Variants in IPO4 observed in about 807,000 individuals in gnomAD.
IPO4 encodes importin 4, also known as importin-4.
In IPO4, 91 loss-of-function variants were observed where a neutral mutation model predicts 133.5. That is an observed-to-expected ratio of 0.68 (90% CI 0.58 to 0.81). IPO4 has a LOEUF of 0.81. Ranked by LOEUF, IPO4 falls within the 30% of genes least tolerant of loss-of-function variation. IPO4 has a pLI of 0.00. For missense variants in IPO4, 1,279 were observed against 1,386.2 expected (o/e 0.92, Z 1.23); for synonymous variants, 607 against 581.6 (o/e 1.04, Z -0.63).
At position 24,184,909 on chromosome 14, in the gene IPO4, G is replaced by A. The variant is rs145779241; in HGVS notation, c.1480C>T (p.Pro494Ser). The change falls in exon 15 of 30, where the codon CCC becomes TCC. Residue 494 changes from proline (P) to serine (S), a missense_variant. Around this residue, in one of 3 missense-constraint regions of IPO4, gnomAD observed 695 missense variants for 704.1 expected, o/e 0.99. Coordinates refer to ENST00000354464, the MANE Select transcript of IPO4 (RefSeq NM_024658.4). ...MLQLLRNPSS[P>S]RAKELAVSAL... ...CTCACAGCCAGCTCCTTGGCCCGGG[G>A]ACTGCTGGGGTTCCTCAGAAGCTGC... 3.1e-6 allele frequency: 5 copies of A among 1,614,098 alleles called. No homozygotes were observed. Among genetic ancestry groups the A allele is most frequent in the Non-Finnish European group, 3.4e-6 (4 of 1,180,024 alleles).
rs199499439 is a variant in IPO4 at position 24,185,941 on chromosome 14, G to A, written c.1089C>T (p.Ser363=). The A allele has an allele frequency of 3.0e-5, 49 of 1,614,056 alleles. 1 individual carries two copies. Among genetic ancestry groups the A allele is most frequent in the Admixed American group, 2.2e-4 (13 of 60,018 alleles). Residue 363 remains serine, a synonymous_variant, in exon 12 of 30, where the codon AGC becomes AGT. Transcript: ENST00000354464. ...CAGCTTTGCGCTGGTATGGGCTCTC[G>A]CTCCGCAAAGCCTCTTCCAACATGG... The part of the protein sequence containing the change: ...LMPMLEEALR[S]ESPYQRKAGL...
chr14:24,181,526 C>T lies in IPO4; in HGVS notation c.3032G>A (p.Ser1011Asn), dbSNP rs1291255807. The change falls in exon 28 of 30, where the codon AGC becomes AAC. Residue 1011 changes from serine to asparagine, a missense_variant. By Grantham distance (46) the Ser-to-Asn change is conservative. Coordinates refer to ENST00000354464, the MANE Select transcript of IPO4 (RefSeq NM_024658.4). ...CAGCAAGGTTACCTGGTCAGGGCTG[C>T]TCTGGTACAGGAAGCTGAAGAGGCG... Reference protein sequence around the residue: ...IGRLFSFLYQSSPDQVIDVAP... With the variant: ...IGRLFSFLYQNSPDQVIDVAP... 2 of 1,566,974 alleles carry T rather than the reference C, an allele frequency of 1.3e-6. No individual in the cohort carries two copies. The highest frequency in any genetic ancestry group is 2.4e-5 in the East Asian group (1 of 42,150).
rs760863352 is a variant in IPO4 at position 24,188,543 on chromosome 14, G to A, written c.156+9C>T. On this transcript the variant is annotated intron_variant, in intron 2 of 29. Transcript: ENST00000354464. ...TGGGAAGCTCGGAGGGGAGAGTCAGGGGTCTCACCTGGGGGTCGGCCGCCG... is the reference window on the plus strand; with the variant it reads ...TGGGAAGCTCGGAGGGGAGAGTCAGAGGTCTCACCTGGGGGTCGGCCGCCG... 35 of 1,611,454 alleles carry A rather than the reference G, an allele frequency of 2.2e-5. No homozygotes were observed. In the African/African-American group the frequency reaches 3.6e-4, roughly 17 times the overall value.
At chr14:24,187,898 G>A in intron 4 of IPO4, 102 bp from the exon 5 acceptor site, 19 of 1,454,334 alleles carry the variant, frequency 1.3e-5, no homozygotes, top group Non-Finnish European at 1.8e-5. Flanking sequence ...TTCAGGAGGT[G>A]TGGGCACAGG....
chr14:24,187,382 C>T lies in IPO4; in HGVS notation c.588+18G>A, dbSNP rs755853834. 56 of 1,611,594 alleles carry T rather than the reference C, an allele frequency of 3.5e-5. No individual in the cohort carries two copies. In the East Asian group the frequency reaches 7.1e-4, roughly 21 times the overall value. On this transcript the variant is annotated intron_variant, in intron 6 of 29. Coordinates refer to ENST00000354464, the MANE Select transcript of IPO4 (RefSeq NM_024658.4). ...CATGAGGAAAGGGAGTCAAAGATAA[C>T]GAGGGCCCACATCTCACCACATCTT...
chr14:24,186,054 TC>T, intron 11 of IPO4, 74 bp downstream of exon 11: 2 of 1,599,634 alleles, frequency 1.3e-6, no homozygotes, highest in South Asian at 2.2e-5. Context: ...CCTCCCAGGG[TC>T]TAAACGTCGT....
Position 24,182,820 on chromosome 14 carries a change from TC to T in IPO4, c.2443del (p.Glu815ArgfsTer91), listed in dbSNP as rs1308990930. 1.2e-6 allele frequency: 2 copies of T among 1,614,172 alleles called. No homozygotes were observed. Among genetic ancestry groups the T allele is most frequent in the Admixed American group, 3.3e-5 (2 of 60,020 alleles). On this transcript the variant is annotated frameshift_variant, in exon 24 of 30. Coordinates refer to ENST00000354464, the MANE Select transcript of IPO4 (RefSeq NM_024658.4). LOFTEE classifies it high-confidence loss of function. Reference protein sequence around the residue: ...QRKTACQDTDEEEEEEDDDQA... With the variant: ...QRKTACQDTDXEEEEEDDDQA... ...ATCATCATCTTCCTCTTCCTCCTCCTCGTCAGTATCCTGACAGGCTGTCTAC... is the reference window on the plus strand; with the variant it reads ...ATCATCATCTTCCTCTTCCTCCTCCTGTCAGTATCCTGACAGGCTGTCTAC...
intron 12 of IPO4, 140 bp from the exon 13 acceptor site, chr14:24,185,707 G>T: frequency 1.1e-6 from 1 of 930,688 alleles, no homozygotes. Context: ...GGTCCCTATA[G>T]CTGGTAAGCC....
At chr14:24,185,727 A>G in intron 12 of IPO4, 134 bp downstream of exon 12, 2 of 925,174 alleles carry the variant, frequency 2.2e-6, no homozygotes, top group Admixed American at 4.1e-5. Context: ...CATGTCATTT[A>G]TCTTCCAAGC....
rs1047814617 is a variant in IPO4 at position 24,182,015 on chromosome 14, C to T, written c.2747G>A (p.Arg916Gln). ...GCCCATCCCGAAGATGGCATTGCTT[C>T]GCACCTCGGGGTCTGCCTCTTGGGC... The part of the protein sequence containing the change: ...STAQEADPEV[R>Q]SNAIFGMGVL... Residue 916 changes from arginine to glutamine, a missense_variant, in exon 26 of 30, where the codon CGA becomes CAA. This residue lies in a region of IPO4 where 575 missense variants were observed against 653.4 expected (regional missense o/e 0.88). Coordinates refer to ENST00000354464, the MANE Select transcript of IPO4 (RefSeq NM_024658.4). 10 of 1,613,130 alleles carry T rather than the reference C, an allele frequency of 6.2e-6. No homozygotes were observed. Among genetic ancestry groups the T allele is most frequent in the Non-Finnish European group, 8.5e-6 (10 of 1,180,044 alleles).
chr14:24,183,972 G>GGGGGGGGCC, intron 18 of IPO4, 26 bp downstream of exon 18: 11 of 1,573,234 alleles, frequency 7.0e-6, no homozygotes, highest in Non-Finnish European at 9.5e-6. Context: ...GGCAGGCCTG[G>GGGGGGGGCC]CCCAGCCCAC....
chr14:24,188,448 G>A, intron 2 of IPO4, 25 bp from the exon 3 acceptor site: 1 of 1,610,036 alleles, frequency 6.2e-7, no homozygotes, highest in South Asian at 1.1e-5. Context: ...CAAGCACGTG[G>A]GGGTCCGGGC....
In IPO4 at chr14:24,184,829, G is replaced by A. The variant is rs776017277; in HGVS notation, c.1522+38C>T. 3.7e-6 allele frequency: 6 copies of A among 1,606,994 alleles called. No homozygotes were observed. In the South Asian group the frequency reaches 5.5e-5, roughly 15 times the overall value. On this transcript the variant is annotated intron_variant, in intron 15 of 29. Transcript: ENST00000354464. ...GGACCACCAGCCACAGGGCCTTTGG[G>A]TGAACCCCACATCCCTGCCTCCTGC... is the stretch of plus-strand genomic sequence containing the variant.
chr14:24,182,262 G>C lies in IPO4; in HGVS notation c.2598+16C>G. 1 of 1,614,170 alleles carries C rather than the reference G, an allele frequency of 6.2e-7. No individual in the cohort carries two copies. The highest frequency in any genetic ancestry group is 8.5e-7 in the Non-Finnish European group (1 of 1,179,990). On this transcript the variant is annotated intron_variant, in intron 25 of 29. Coordinates refer to ENST00000354464, the MANE Select transcript of IPO4 (RefSeq NM_024658.4). ...ACGAGGGGACTAGGGCTTGAAGCCA[G>C]AAGATGGACACTCACTGTCTTGCAC...
chr14:24,182,206 A>G, intron 25 of IPO4, 43 bp from the exon 26 acceptor site: 1 of 1,613,832 alleles, frequency 6.2e-7, no homozygotes. Context: ...AGCCTGGGCC[A>G]AGGATAAAGG....
At position 24,182,835 on chromosome 14, in the gene IPO4, C is replaced by T. The variant is rs2039161549; in HGVS notation, c.2429G>A (p.Cys810Tyr). ...TTCCTCCTCCTCGTCAGTATCCTGA[C>T]AGGCTGTCTACAAGAAGTAGCTCAA... is the stretch of plus-strand genomic sequence containing the variant. ...LKAVLQRKTACQDTDEEEEEE... is the reference protein window; with the variant it reads ...LKAVLQRKTAYQDTDEEEEEE... The change falls in exon 24 of 30, where the codon TGT (cysteine) becomes TAT (tyrosine). Residue 810 changes from cysteine (C) to tyrosine (Y), a missense_variant. Physicochemically the swap from Cys to Tyr is radical, Grantham distance 194 (BLOSUM62 -2). Transcript: ENST00000354464. 1 of 1,614,048 alleles carries T rather than the reference C, an allele frequency of 6.2e-7. No individual in the cohort carries two copies. The highest frequency in any genetic ancestry group is 8.5e-7 in the Non-Finnish European group (1 of 1,180,016).
chr14:24,185,514 T>G lies in IPO4; in HGVS notation c.1223A>C (p.Gln408Pro), dbSNP rs753332354. ...IVCKGLEDPS[Q>P]VVRNAALFAL... Reference sequence around the variant, plus strand: ...AAACAGCGCAGCATTGCGTACAACTTGCGAGGGGTCCTCCAGGCCCTTGCA... The same window carrying G: ...AAACAGCGCAGCATTGCGTACAACTGGCGAGGGGTCCTCCAGGCCCTTGCA... Residue 408 changes from glutamine to proline, a missense_variant, in exon 13 of 30, where the codon CAA (glutamine) becomes CCA (proline). Transcript: ENST00000354464. 6.2e-7 allele frequency: 1 copy of G among 1,614,158 alleles called. No homozygotes were observed. The highest frequency in any genetic ancestry group is 1.1e-5 in the South Asian group (1 of 91,082).
intron 12 of IPO4, 100 bp downstream of exon 12, chr14:24,185,761 G>A (rs923826527): frequency 6.8e-6 from 7 of 1,030,196 alleles, no homozygotes; most frequent in African/African-American, 1.6e-5. Flanking sequence ...ATAATGGGGG[G>A]AAACGCTGTT....
chr14:24,183,972 G>GGGGGGCCCC, intron 18 of IPO4, 26 bp downstream of exon 18: 3 of 1,573,290 alleles, frequency 1.9e-6, no homozygotes, highest in Non-Finnish European at 2.6e-6. Flanking sequence ...GGCAGGCCTG[G>GGGGGGCCCC]CCCAGCCCAC....
Sources: gnomAD v4.1 joint callset for allele counts on GRCh38, gnomAD v4.1.1 for gene constraint, gnomAD v4.1.1 regional missense constraint, MANE v1.5 for transcripts, NCBI Gene and HGNC (gene_info 2026-07-23, HGNC 2026-07-21) for gene names.